Variants in SIGLEC11 observed in about 807,000 individuals in gnomAD.
The protein encoded by SIGLEC11 is sialic acid binding Ig like lectin 11.
SIGLEC11 carries 47 observed loss-of-function variants against 61.2 expected under a neutral mutation model. The ratio of observed to expected loss-of-function variants is 0.77; its 90% CI spans 0.61 to 0.98. The LOEUF is 0.98. SIGLEC11 is among the 50% of genes least tolerant of loss of function. SIGLEC11 has a pLI of 0.00. For synonymous variants in SIGLEC11, 278 were observed against 373.1 expected (o/e 0.75, Z 2.94); for missense variants, 610 against 870.3 (o/e 0.70, Z 3.76).
intron 8 of SIGLEC11, among the ~76,000 whole-genome samples, chr19:49,956,076 CT>C (rs1229945403): frequency 1.3e-5 from 2 of 152,324 alleles, no homozygotes; most frequent in Admixed American, 6.5e-5. Flanking sequence ...TAGGCATTTC[CT>C]CATACTATGT....
chr19:49,952,381 A>G lies in SIGLEC11; in HGVS notation c.1665T>C (p.His555=), dbSNP rs772913953. The part of the protein sequence containing the change: ...VFQLLPGKLE[H]GGGLGLGAAL... ...CAGCCCCCAGGCCAAGTCCTCCCCC[A>G]TGCTCCAGCTTCCCTGCATGGGAGC... is the stretch of plus-strand genomic sequence containing the variant. Residue 555 remains histidine (H), a synonymous_variant, in exon 9 of 11, where the codon CAT becomes CAC. Transcript: ENST00000447370. 7.5e-6 allele frequency: 12 copies of G among 1,606,530 alleles called. No homozygotes were observed. Among genetic ancestry groups the G allele is most frequent in the Non-Finnish European group, 9.3e-6 (11 of 1,179,792 alleles).
intron 8 of SIGLEC11, 87 bp downstream of exon 8, chr19:49,958,196 C>T: frequency 1.9e-6 from 3 of 1,573,506 alleles, no homozygotes; most frequent in African/African-American, 2.8e-5. Context: ...ACCACGCCCA[C>T]ACCCTCTCCC....
chr19:49,953,619 G>A (rs2076174769), intron 8 of SIGLEC11, among the ~76,000 whole-genome samples: 1 of 152,176 alleles, frequency 6.6e-6, no homozygotes, highest in Non-Finnish European at 1.5e-5. Context: ...TGTGGACTGG[G>A]TGCTCCGAGC....
At position 49,958,584 on chromosome 19, in the gene SIGLEC11, G is replaced by A. The variant is rs767139669; in HGVS notation, c.1364-14C>T. 67 of 1,568,144 alleles carry A rather than the reference G, an allele frequency of 4.3e-5. No homozygotes were observed. The highest frequency in any genetic ancestry group is 5.5e-5 in the Non-Finnish European group (64 of 1,158,810). On this transcript the variant is annotated splice_polypyrimidine_tract_variant and intron_variant, in intron 7 of 10. Coordinates refer to ENST00000447370, the MANE Select transcript of SIGLEC11 (RefSeq NM_052884.3). ...GCTGTGGAGGGTCTGTGGGGAGGGA[G>A]GACAGGACTCAGCAGGGGCCCCTTC...
At chr19:49,952,585 C>T (rs1338901216) in intron 8 of SIGLEC11, among the ~76,000 whole-genome samples, 191 bp from the exon 9 acceptor site, 2 of 152,224 alleles carry the variant, frequency 1.3e-5, no homozygotes, top group Non-Finnish European at 2.9e-5. Flanking sequence ...AACTTTTCCT[C>T]TGCTTAGCAA....
At chr19:49,950,385 T>C (rs946882115) in intron 10 of SIGLEC11, 149 bp from the exon 11 acceptor site, 4 of 775,698 alleles carry the variant, frequency 5.2e-6, no homozygotes, top group Non-Finnish European at 7.6e-6. Flanking sequence ...CATTCACTCA[T>C]TCATTCATTC....
rs7259039 is a variant in SIGLEC11 at position 49,958,475 on chromosome 19, A to C, written c.1459T>G (p.Trp487Gly). Residue 487 changes from tryptophan to glycine, a missense_variant, in exon 8 of 11, where the codon TGG becomes GGG. Trp to Gly is a radical substitution (Grantham distance 184, BLOSUM62 -2). Coordinates refer to ENST00000447370, the MANE Select transcript of SIGLEC11 (RefSeq NM_052884.3). Reference sequence around the variant, plus strand: ...TCCAGCAGCTCCTCCCCAAGCCACCAGCGCAGAGAGGGGGCCGGGCTGGCC... The same window carrying C: ...TCCAGCAGCTCCTCCCCAAGCCACCCGCGCAGAGAGGGGGCCGGGCTGGCC... ...SQASPAPSLR[W>G]WLGEELLEGN... The C allele has an allele frequency of 1.9e-3, 3,087 of 1,612,532 alleles. 46 individuals carry two copies. In the African/African-American group the frequency reaches 0.034, roughly 18 times the overall value.
chr19:49,959,122 C>T (rs772288094), intron 5 of SIGLEC11, 45 bp from the exon 6 acceptor site: 1 of 1,609,992 alleles, frequency 6.2e-7, no homozygotes, highest in African/African-American at 1.3e-5. Context: ...CCAGGGGCTT[C>T]CCTCTGGGTA....
At chr19:49,954,033 C>T (rs2076178120) in intron 8 of SIGLEC11, among the ~76,000 whole-genome samples, 1 of 152,138 alleles carries the variant, frequency 6.6e-6, no homozygotes, top group South Asian at 2.1e-4. Context: ...TGATAGGGGT[C>T]TGAGGACAGC....
At chr19:49,952,475 T>G in intron 8 of SIGLEC11, 81 bp from the exon 9 acceptor site, 2 of 981,340 alleles carry the variant, frequency 2.0e-6, no homozygotes, top group Non-Finnish European at 1.5e-6. Flanking sequence ...CCTAGAGCTC[T>G]CGGATTCTTC....
At position 49,949,964 on chromosome 19, in the gene SIGLEC11, AC is replaced by A; in HGVS notation, c.*5del. 1.4e-6 allele frequency: 2 copies of A among 1,435,822 alleles called. No individual in the cohort carries two copies. Among genetic ancestry groups the A allele is most frequent in the Non-Finnish European group, 1.8e-6 (2 of 1,086,914 alleles). 88.9% of individuals were successfully genotyped at this position (1,435,822 alleles called of 1,614,324 possible). A position where few individuals can be genotyped will look rare whatever the true frequency, so the allele number is the denominator to read the frequency against. ...TTGCTGGTGTCCTGTTGCCATGGAG[AC>A]CTCTTCACTTTGGAACCATCCCTGA... On this transcript the variant is annotated 3_prime_UTR_variant, in exon 11 of 11. Coordinates refer to ENST00000447370, the MANE Select transcript of SIGLEC11 (RefSeq NM_052884.3).
chr19:49,957,516 AG>A lies in SIGLEC11; in HGVS notation c.1651+766del, dbSNP rs375035289. Among the ~76,000 whole-genome samples the A allele has an allele frequency of 7.2e-5, 11 of 152,146 alleles. No individual in the cohort carries two copies. In the East Asian group the frequency reaches 2.1e-3, roughly 29 times the overall value. ...CTCCAGACACACCCCTTCCAGAGCA[AG>A]GTTAAAGAAAAAAAAAAAAAGACAA... On this transcript the variant is annotated intron_variant, in intron 8 of 10. Transcript: ENST00000447370.
At chr19:49,950,838 G>A (rs968906310) in intron 10 of SIGLEC11, among the ~76,000 whole-genome samples, 7 of 152,158 alleles carry the variant, frequency 4.6e-5, no homozygotes, top group South Asian at 2.1e-4. Flanking sequence ...GGATTTGCTC[G>A]GACCTGGACT....
At chr19:49,954,759 T>TC (rs1167716104) in intron 8 of SIGLEC11, among the ~76,000 whole-genome samples, 1 of 152,038 alleles carries the variant, frequency 6.6e-6, no homozygotes, top group South Asian at 2.1e-4. Flanking sequence ...TAGGCAGCTC[T>TC]CCCCTGGCTA....
intron 6 of SIGLEC11, 22 bp from the exon 7 acceptor site, chr19:49,958,922 T>C (rs1320433716): frequency 3.1e-6 from 5 of 1,604,768 alleles, no homozygotes; most frequent in Non-Finnish European, 4.3e-6. Context: ...AGAGGCAGAA[T>C]CGACGTGCAG....
intron 8 of SIGLEC11, among the ~76,000 whole-genome samples, chr19:49,954,984 CAA>C: frequency 6.6e-6 from 1 of 151,920 alleles, no homozygotes; most frequent in East Asian, 1.9e-4. Context: ...GACGAGAGCC[CAA>C]GTCAGTTTTA....
At chr19:49,953,606 T>C (rs2076174632) in intron 8 of SIGLEC11, among the ~76,000 whole-genome samples, 1 of 152,182 alleles carries the variant, frequency 6.6e-6, no homozygotes, top group Non-Finnish European at 1.5e-5. Context: ...ACAATTCTCT[T>C]AGTGTGGACT....
chr19:49,958,603 C>T, intron 7 of SIGLEC11, 33 bp from the exon 8 acceptor site: 1 of 1,566,056 alleles, frequency 6.4e-7, no homozygotes, highest in Non-Finnish European at 8.6e-7. Context: ...TCAGCAGGGG[C>T]CCCTTCCTGG....
Position 49,958,299 on chromosome 19 carries a change from G to C in SIGLEC11, c.1635C>G (p.Val545=), listed in dbSNP as rs2076212103. The change falls in exon 8 of 11, where the codon GTC becomes GTG. Residue 545 remains valine, a synonymous_variant. Coordinates refer to ENST00000447370, the MANE Select transcript of SIGLEC11 (RefSeq NM_052884.3). ...TCCCCTCACCTGGTAGCAGCTGGAA[G>C]ACAGAGCCACTCTGGGCCCCGTGGA... ...WNVHGAQSGS[V]FQLLPGKLEH... 3 of 1,614,120 alleles carry C rather than the reference G, an allele frequency of 1.9e-6. No homozygotes were observed. Among genetic ancestry groups the C allele is most frequent in the Non-Finnish European group, 1.7e-6 (2 of 1,179,994 alleles).
Sources: gnomAD v4.1 joint callset for allele counts (sites outside exome capture counted in the v4.1 genomes callset) on GRCh38, gnomAD v4.1.1 for gene constraint, MANE v1.5 for transcripts, NCBI Gene and HGNC (gene_info 2026-07-23, HGNC 2026-07-21) for gene names.